Variants in CFDP1 observed in about 807,000 individuals in gnomAD.
The protein encoded by CFDP1 is heterochromatin-stabilizing protein CFDP1.
CFDP1 carries 31 observed loss-of-function variants against 40.1 expected under a neutral mutation model. That is an observed-to-expected ratio of 0.77 (90% CI 0.58 to 1.04). The LOEUF is 1.04. Among genes scored for constraint, CFDP1 ranks in the 50% least tolerant of loss-of-function variants. The pLI is 0.00. For synonymous variants in CFDP1, 167 were observed against 120.0 expected (o/e 1.39, Z -2.56); for missense variants, 423 against 343.4 (o/e 1.23, Z -1.83).
At chr16:75,372,876 C>G (rs138920996) in intron 5 of CFDP1, among the ~76,000 whole-genome samples, 3 of 152,206 alleles carry the variant, frequency 2.0e-5, no homozygotes, top group Non-Finnish European at 2.9e-5. Flanking sequence ...AAAATAAAAG[C>G]CTTAGCAAGG....
intron 5 of CFDP1, among the ~76,000 whole-genome samples, chr16:75,313,428 C>G (rs2078307116): frequency 6.6e-6 from 1 of 152,170 alleles, no homozygotes; most frequent in Admixed American, 6.5e-5. Context: ...TTCCTGGGTT[C>G]AAGTGATTCT....
intron 5 of CFDP1, among the ~76,000 whole-genome samples, chr16:75,344,750 G>A (rs1247541520): frequency 6.6e-6 from 1 of 151,486 alleles, no homozygotes; most frequent in Non-Finnish European, 1.5e-5. Flanking sequence ...TGGCCAATAT[G>A]GTGAAACCTT....
intron 5 of CFDP1, among the ~76,000 whole-genome samples, chr16:75,322,201 A>T (rs965467717): frequency 1.3e-5 from 2 of 152,232 alleles, no homozygotes; most frequent in African/African-American, 4.8e-5. Flanking sequence ...TCTAGTCTTT[A>T]CACAGGAATA....
At chr16:75,384,515 C>A (rs1047378942) in intron 5 of CFDP1, among the ~76,000 whole-genome samples, 2 of 152,154 alleles carry the variant, frequency 1.3e-5, no homozygotes, top group African/African-American at 4.8e-5. Flanking sequence ...ACTGGCATGA[C>A]TTCAAATTGC....
At chr16:75,385,441 AAACAAC>A (rs545918306) in intron 5 of CFDP1, among the ~76,000 whole-genome samples, 1 of 152,116 alleles carries the variant, frequency 6.6e-6, no homozygotes, top group South Asian at 2.1e-4. Context: ...TTGTAATTTA[AAACAAC>A]AACAACAACA....
chr16:75,336,540 AC>A (rs1199832728), intron 5 of CFDP1, among the ~76,000 whole-genome samples: 1 of 152,180 alleles, frequency 6.6e-6, no homozygotes, highest in African/African-American at 2.4e-5. Flanking sequence ...CAATGCATAT[AC>A]CCCTCTTTAA....
chr16:75,430,702 G>A (rs1268480753), intron 1 of CFDP1, among the ~76,000 whole-genome samples: 1 of 152,102 alleles, frequency 6.6e-6, no homozygotes, highest in Non-Finnish European at 1.5e-5. Flanking sequence ...GACCTCAAAT[G>A]ATCCACCAGC....
intron 5 of CFDP1, among the ~76,000 whole-genome samples, chr16:75,393,735 CGCAA>C (rs2078971800): frequency 3.8e-5 from 1 of 26,166 alleles, no homozygotes; most frequent in African/African-American, 1.6e-4. Context: ...GAGACTCCGT[CGCAA>C]AAAAAAAAAA....
At chr16:75,422,365 G>A (rs975736029) in intron 1 of CFDP1, among the ~76,000 whole-genome samples, 1 of 151,224 alleles carries the variant, frequency 6.6e-6, no homozygotes, top group African/African-American at 2.4e-5. Flanking sequence ...AAAGTGCTGG[G>A]ATTACAGGCG....
intron 5 of CFDP1, among the ~76,000 whole-genome samples, chr16:75,313,049 A>G (rs1330449414): frequency 6.6e-6 from 1 of 152,202 alleles, no homozygotes; most frequent in Non-Finnish European, 1.5e-5. Flanking sequence ...CTCTGTGAAT[A>G]ACAGTCCTTT....
intron 5 of CFDP1, among the ~76,000 whole-genome samples, chr16:75,313,473 C>T (rs557326998): frequency 1.3e-5 from 2 of 152,168 alleles, no homozygotes; most frequent in African/African-American, 2.4e-5. Flanking sequence ...GGATTACAGG[C>T]GCCCACCACC....
chr16:75,358,638 A>G lies in CFDP1; in HGVS notation c.650+36452T>C, dbSNP rs374181524. Among the ~76,000 whole-genome samples, 25 of 152,158 alleles carry G rather than the reference A, an allele frequency of 1.6e-4. 1 individual carries two copies. The highest frequency in any genetic ancestry group is 1.0e-3 in the Admixed American group (16 of 15,286). On this transcript the variant is annotated intron_variant, in intron 5 of 6. Transcript: ENST00000283882. Reference sequence around the variant, plus strand: ...TACCTACTTTTCCCCCATGAACACCATTTTTACCTGAAAAAAATGACTGGC... The same window carrying G: ...TACCTACTTTTCCCCCATGAACACCGTTTTTACCTGAAAAAAATGACTGGC...
chr16:75,297,437 C>T (rs1294967919), intron 6 of CFDP1, among the ~76,000 whole-genome samples: 2 of 152,128 alleles, frequency 1.3e-5, no homozygotes, highest in African/African-American at 4.8e-5. Context: ...ATTAGAAAGG[C>T]CACCTCCTCA....
chr16:75,363,876 C>T (rs559342321), intron 5 of CFDP1, among the ~76,000 whole-genome samples: 3 of 150,400 alleles, frequency 2.0e-5, no homozygotes, highest in Non-Finnish European at 4.4e-5. Flanking sequence ...CTGAGACAAG[C>T]GAGCAAAACA....
intron 5 of CFDP1, among the ~76,000 whole-genome samples, chr16:75,371,523 GTT>G (rs903755286): frequency 4.6e-5 from 7 of 152,246 alleles, no homozygotes; most frequent in African/African-American, 1.7e-4. Context: ...AACCTTAAGC[GTT>G]TTGGTTAAGC....
At chr16:75,420,817 A>G (rs887039172) in intron 1 of CFDP1, among the ~76,000 whole-genome samples, 1 of 152,220 alleles carries the variant, frequency 6.6e-6, no homozygotes, top group African/African-American at 2.4e-5. Flanking sequence ...AAGGATTGAC[A>G]TGATAGTCTC....
At chr16:75,303,769 C>T (rs2078239752) in intron 6 of CFDP1, among the ~76,000 whole-genome samples, 2 of 152,270 alleles carry the variant, frequency 1.3e-5, no homozygotes, top group Admixed American at 6.5e-5. Context: ...CATATATTAT[C>T]TCATGAGATC....
At chr16:75,432,380 A>T (rs929183431) in intron 1 of CFDP1, among the ~76,000 whole-genome samples, 2 of 148,674 alleles carry the variant, frequency 1.3e-5, no homozygotes, top group African/African-American at 5.0e-5. Context: ...TAAAAAAAAA[A>T]AAAAAAAAAA....
At chr16:75,389,763 A>G (rs186517688) in intron 5 of CFDP1, among the ~76,000 whole-genome samples, 158 of 152,368 alleles carry the variant, frequency 1.0e-3, no homozygotes, top group East Asian at 3.9e-4. Flanking sequence ...AAGACTTTCT[A>G]TACTCTGCAA....
Sources: gnomAD v4.1 joint callset for allele counts (sites outside exome capture counted in the v4.1 genomes callset) on GRCh38, gnomAD v4.1.1 for gene constraint, MANE v1.5 for transcripts, NCBI Gene and HGNC (gene_info 2026-07-23, HGNC 2026-07-21) for gene names.